EZH2: variants seen among roughly 807,000 people sequenced by gnomAD.
The protein encoded by EZH2 is enhancer of zeste 2 polycomb repressive complex 2 subunit.
In EZH2, 18 loss-of-function variants were observed where a neutral mutation model predicts 98.4. The observed-to-expected ratio is 0.18, with a 90% CI of 0.13 to 0.27. The LOEUF is 0.27. EZH2 is among the 10% of genes least tolerant of loss of function. The pLI is 1.00. For missense variants in EZH2, 470 were observed against 935.1 expected (o/e 0.50, Z 6.49); for synonymous variants, 338 against 312.3 (o/e 1.08, Z -0.87).
chr7:148,846,915 A>G (rs2129485284), intron 2 of EZH2, among the ~76,000 whole-genome samples: 1 of 151,324 alleles, frequency 6.6e-6, no homozygotes, highest in African/African-American at 2.4e-5. Flanking sequence ...GACTTTAGAA[A>G]CATAAAATCA....
intron 8 of EZH2, among the ~76,000 whole-genome samples, chr7:148,824,994 A>G (rs879783830): frequency 6.6e-6 from 1 of 152,236 alleles, no homozygotes; most frequent in African/African-American, 2.4e-5. Context: ...CTCATCTCTG[A>G]ATGGCACAAT....
intron 1 of EZH2, among the ~76,000 whole-genome samples, chr7:148,850,089 G>T (rs911684113): frequency 6.6e-6 from 1 of 151,962 alleles, no homozygotes; most frequent in South Asian, 2.1e-4. Context: ...TGCAATCTCC[G>T]CTCACTGCAA....
chr7:148,856,770 T>C (rs369167284), intron 1 of EZH2, among the ~76,000 whole-genome samples: 15 of 152,160 alleles, frequency 9.9e-5, no homozygotes, highest in African/African-American at 3.4e-4. Flanking sequence ...AACAGTATTA[T>C]AACAGAATAA....
intron 1 of EZH2, among the ~76,000 whole-genome samples, chr7:148,859,568 A>T (rs1817370033): frequency 6.6e-6 from 1 of 152,154 alleles, no homozygotes; most frequent in African/African-American, 2.4e-5. Flanking sequence ...GATGATGTTG[A>T]GTGCTATGGG....
chr7:148,842,661 G>C (rs1001388295), intron 3 of EZH2, among the ~76,000 whole-genome samples: 1 of 152,068 alleles, frequency 6.6e-6, no homozygotes, highest in Non-Finnish European at 1.5e-5. Flanking sequence ...CAAAAAGTCA[G>C]AAGTGTTTTT....
At chr7:148,860,907 A>G (rs1817572201) in intron 1 of EZH2, among the ~76,000 whole-genome samples, 1 of 146,138 alleles carries the variant, frequency 6.8e-6, no homozygotes, top group Non-Finnish European at 1.5e-5. Flanking sequence ...TCCTGGGCTC[A>G]AACAATCACC....
At chr7:148,863,970 C>T (rs1309568262) in intron 1 of EZH2, among the ~76,000 whole-genome samples, 1 of 152,156 alleles carries the variant, frequency 6.6e-6, no homozygotes, top group African/African-American at 2.4e-5. Context: ...ACAGCATTCG[C>T]CTTCAAGAAG....
intron 6 of EZH2, among the ~76,000 whole-genome samples, chr7:148,828,395 T>C (rs1203142025): frequency 6.6e-6 from 1 of 152,106 alleles, no homozygotes; most frequent in Admixed American, 6.6e-5. Context: ...GACTGTGCAG[T>C]GGCACAATCA....
At chr7:148,860,147 C>T (rs1007638288) in intron 1 of EZH2, among the ~76,000 whole-genome samples, 2 of 151,918 alleles carry the variant, frequency 1.3e-5, no homozygotes, top group African/African-American at 4.8e-5. Context: ...TGTAAATCTG[C>T]TCTGGTTTTA....
Position 148,809,145 on chromosome 7 carries a change from A to G in EZH2, c.2121T>C (p.Val707=). ...NPNCYAKVMM[V]NGDHRIGIFA... ...AAATACCTATCCTGTGATCACCGTT[A>G]ACCATCATAACTGCAAAGAGACACA... Residue 707 remains valine, a synonymous_variant, in exon 19 of 20, where the codon GTT becomes GTC. Transcript: ENST00000320356. 1 of 1,614,202 alleles carries G rather than the reference A, an allele frequency of 6.2e-7. No homozygotes were observed. The highest frequency in any genetic ancestry group is 8.5e-7 in the Non-Finnish European group (1 of 1,180,006).
rs976253795 is a variant in EZH2 at position 148,826,726 on chromosome 7, G to C, written c.729-94C>G. On this transcript the variant is annotated intron_variant, in intron 7 of 19. Coordinates refer to ENST00000320356, the MANE Select transcript of EZH2 (RefSeq NM_004456.5). ...AAGGTTTCCATGTGTTACTTTTGAT[G>C]TTTATCTTGCCTAAAACATAAAGGA... 3.9e-6 allele frequency: 4 copies of C among 1,036,790 alleles called. No individual in the cohort carries two copies. The Admixed American group carries it at 1.3e-4, about 35-fold the overall frequency. The allele number at this position is 1,036,790 out of a possible 1,614,324, so 64.2% of individuals were successfully genotyped here.
chr7:148,825,373 G>GTGT (rs1280547994), intron 8 of EZH2, among the ~76,000 whole-genome samples: 2 of 152,134 alleles, frequency 1.3e-5, no homozygotes, highest in Admixed American at 6.6e-5. Flanking sequence ...GAGCAAGGAG[G>GTGT]TAACAATATA....
chr7:148,831,399 A>T (rs1809346232), intron 4 of EZH2, among the ~76,000 whole-genome samples: 1 of 152,172 alleles, frequency 6.6e-6, no homozygotes, highest in Admixed American at 6.5e-5. Flanking sequence ...ATCAAGTGAC[A>T]CTTAGATATT....
chr7:148,871,617 T>G (rs1201597265), intron 1 of EZH2, among the ~76,000 whole-genome samples: 2 of 149,738 alleles, frequency 1.3e-5, no homozygotes, highest in Admixed American at 6.7e-5. Flanking sequence ...TCTGTTGCCC[T>G]GGCTGGAGTG....
At chr7:148,865,687 T>C (rs2129489534) in intron 1 of EZH2, among the ~76,000 whole-genome samples, 1 of 152,318 alleles carries the variant, frequency 6.6e-6, no homozygotes, top group South Asian at 2.1e-4. Context: ...AAACTCTGCA[T>C]GGGTAACTTT....
intron 3 of EZH2, among the ~76,000 whole-genome samples, 194 bp downstream of exon 3, chr7:148,846,276 A>G (rs1162574481): frequency 6.6e-6 from 1 of 152,150 alleles, no homozygotes; most frequent in Non-Finnish European, 1.5e-5. Flanking sequence ...TATTCCAAAC[A>G]CTTAGAACTC....
chr7:148,816,582 T>A (rs28496832), intron 12 of EZH2, 102 bp downstream of exon 12: 4 of 800,782 alleles, frequency 5.0e-6, no homozygotes, highest in Non-Finnish European at 8.2e-6. Context: ...TAAGGTTTTT[T>A]AAAAATAGAC....
intron 1 of EZH2, among the ~76,000 whole-genome samples, chr7:148,863,562 T>G (rs1818011438): frequency 6.6e-6 from 1 of 152,160 alleles, no homozygotes; most frequent in Non-Finnish European, 1.5e-5. Context: ...AACGCCATCC[T>G]ACCAACCATC....
chr7:148,870,267 A>G (rs1819158821), intron 1 of EZH2, among the ~76,000 whole-genome samples: 1 of 152,256 alleles, frequency 6.6e-6, no homozygotes, highest in South Asian at 2.1e-4. Flanking sequence ...TAATTTTCGA[A>G]GTAGCCCAAA....
Sources: allele counts gnomAD v4.1 joint callset (sites outside exome capture counted in the v4.1 genomes callset), GRCh38; gene constraint gnomAD v4.1.1; transcripts MANE v1.5; gene names NCBI Gene and HGNC (gene_info 2026-07-23, HGNC 2026-07-21).